C5orf22: variants seen among roughly 807,000 people sequenced by gnomAD.
C5orf22 encodes the protein UPF0489 protein C5orf22.
Under a neutral mutation model 48.7 loss-of-function variants are expected in C5orf22, and 36 were observed. The observed-to-expected ratio is 0.74, with a 90% CI of 0.57 to 0.98. The LOEUF (loss-of-function observed/expected upper bound fraction) is 0.98. C5orf22 is among the 50% of genes least tolerant of loss of function. The pLI is 0.00. For missense variants in C5orf22, 486 were observed against 521.9 expected, an observed-to-expected ratio of 0.93 and a Z score of 0.67; for synonymous variants, 141 against 180.8, an observed-to-expected ratio of 0.78 and a Z score of 1.76.
intron 6 of C5orf22, among the ~76,000 whole-genome samples, chr5:31,542,332 C>T (rs1471718561): frequency 6.7e-6 from 1 of 150,298 alleles, no homozygotes; most frequent in East Asian, 2.0e-4. Context: ...TAGTGGTGGG[C>T]GCCTGTAGTC....
At chr5:31,551,699 G>A (rs1162696792) in intron 8 of C5orf22, among the ~76,000 whole-genome samples, 5 of 152,140 alleles carry the variant, frequency 3.3e-5, no homozygotes, top group Non-Finnish European at 7.3e-5. Flanking sequence ...ACAAGCTAAG[G>A]AACACAGGCA....
At chr5:31,536,249 A>G (rs1263534283) in intron 3 of C5orf22, among the ~76,000 whole-genome samples, 3 of 152,176 alleles carry the variant, frequency 2.0e-5, no homozygotes, top group Non-Finnish European at 4.4e-5. Flanking sequence ...AATTTGCCGC[A>G]GTGGCTCACG....
intron 6 of C5orf22, among the ~76,000 whole-genome samples, chr5:31,542,249 GA>G (rs1027573856): frequency 2.1e-4 from 32 of 150,546 alleles, no homozygotes; most frequent in African/African-American, 7.3e-4. Context: ...AGGAGATCGA[GA>G]CCATCCTGGC....
Position 31,541,013 on chromosome 5 carries a change from T to C in C5orf22, c.870+2T>C. 1 of 1,604,548 alleles carries C rather than the reference T, an allele frequency of 6.2e-7. No individual in the cohort carries two copies. The highest frequency in any genetic ancestry group is 8.5e-7 in the Non-Finnish European group (1 of 1,172,296). ...AAACCTGGCACCAACCTAACAGAGG[T>C]ATCCTCCATTTGTTTCTTTGGGGTT... On this transcript the variant is annotated splice_donor_variant, in intron 5 of 8. Coordinates refer to ENST00000325366, the MANE Select transcript of C5orf22 (RefSeq NM_018356.3). LOFTEE classifies it high-confidence loss of function.
rs541079913 is a variant in C5orf22, at chr5:31,545,007, A to T, written c.993-639A>T. ...TTTTTTTTTTTAGCTTTCAGGAAAC[A>T]GCCTTTTTTCATCACAGTGTGCTAA... On this transcript the variant is annotated intron_variant, in intron 6 of 8. Transcript: ENST00000325366. 2.0e-5 allele frequency among the ~76,000 whole-genome samples: 3 copies of T among 149,772 alleles called. No homozygotes were observed. In the East Asian group the frequency reaches 5.8e-4, roughly 29 times the overall value.
intron 6 of C5orf22, among the ~76,000 whole-genome samples, chr5:31,544,973 AAT>A (rs1742758583): frequency 1.5e-5 from 1 of 65,668 alleles, no homozygotes. Context: ...ACGTGTCCTT[AAT>A]TTTTTTTTTT....
At chr5:31,544,889 C>G (rs1580452906) in intron 6 of C5orf22, among the ~76,000 whole-genome samples, 1 of 151,974 alleles carries the variant, frequency 6.6e-6, no homozygotes. Context: ...GAGCCATGAT[C>G]ACACCACTGC....
chr5:31,543,499 G>A (rs534182790), intron 6 of C5orf22, among the ~76,000 whole-genome samples: 21 of 152,318 alleles, frequency 1.4e-4, no homozygotes, highest in Middle Eastern at 6.8e-3. Flanking sequence ...GAGCCTGGGA[G>A]GTCAAGGCTG....
chr5:31,552,237 G>A (rs1743325233), intron 8 of C5orf22, among the ~76,000 whole-genome samples: 1 of 152,116 alleles, frequency 6.6e-6, no homozygotes, highest in Non-Finnish European at 1.5e-5. Context: ...CTACTGCCTA[G>A]GAAAGTAAAT....
At position 31,553,065 on chromosome 5, in the gene C5orf22, G is replaced by C. The variant is rs886780621; in HGVS notation, c.*163G>C. The C allele has an allele frequency of 3.2e-6, 2 of 625,284 alleles. No individual in the cohort carries two copies. 38.7% of individuals were successfully genotyped at this position (625,284 alleles called of 1,614,324 possible). A position where few individuals can be genotyped will look rare whatever the true frequency, so the allele number is the denominator to read the frequency against. ...TGAACAACCATTGTCAGTTGTGAATGATGGTAAATTTTTTGGCATCAAGTC... is the reference window on the plus strand; with the variant it reads ...TGAACAACCATTGTCAGTTGTGAATCATGGTAAATTTTTTGGCATCAAGTC... On this transcript the variant is annotated 3_prime_UTR_variant, in exon 9 of 9. Transcript: ENST00000325366.
rs76031031 is a variant in C5orf22 at position 31,534,671 on chromosome 5, A to G, written c.227+254A>G. ...TCTTTGCCTTTGTAGTGTGAAAGCA[A>G]TCACAAGCACTGTGTAAACAAATGA... is the stretch of plus-strand genomic sequence containing the variant. On this transcript the variant is annotated intron_variant, in intron 2 of 8. Transcript: ENST00000325366. 1,872 of 427,836 alleles carry G rather than the reference A, an allele frequency of 4.4e-3. 36 individuals are homozygous for G. Among genetic ancestry groups the G allele is most frequent in the African/African-American group, 0.031 (1,530 of 49,804 alleles). 26.5% of individuals were successfully genotyped at this position (427,836 alleles called of 1,614,324 possible).
At chr5:31,551,940 C>T (rs1417012508) in intron 8 of C5orf22, among the ~76,000 whole-genome samples, 1 of 152,148 alleles carries the variant, frequency 6.6e-6, no homozygotes, top group Non-Finnish European at 1.5e-5. Context: ...ATGAGTTTAT[C>T]AGTGGTCTTA....
At chr5:31,536,105 T>G (rs905453437) in intron 3 of C5orf22, among the ~76,000 whole-genome samples, 1 of 152,268 alleles carries the variant, frequency 6.6e-6, no homozygotes, top group East Asian at 1.9e-4. Context: ...AAATTAGATT[T>G]TGAATGTGAT....
chr5:31,539,456 T>C (rs1742317424), intron 4 of C5orf22, among the ~76,000 whole-genome samples: 1 of 152,202 alleles, frequency 6.6e-6, no homozygotes, highest in Non-Finnish European at 1.5e-5. Context: ...ATATTCTATA[T>C]ATAAATCCTG....
In C5orf22 at chr5:31,551,274, T is replaced by G; in HGVS notation, c.1060-19T>G. 1 of 1,611,192 alleles carries G rather than the reference T, an allele frequency of 6.2e-7. No individual in the cohort carries two copies. The highest frequency in any genetic ancestry group is 8.5e-7 in the Non-Finnish European group (1 of 1,179,254). On this transcript the variant is annotated intron_variant, in intron 7 of 8. Transcript: ENST00000325366. ...AAACAACTGTCATACAGTGTAATTTTTAATTGTCTTATTTTCAGGTTCACC... is the reference window on the plus strand; with the variant it reads ...AAACAACTGTCATACAGTGTAATTTGTAATTGTCTTATTTTCAGGTTCACC...
intron 6 of C5orf22, among the ~76,000 whole-genome samples, chr5:31,543,197 C>G (rs753664539): frequency 5.9e-5 from 9 of 152,178 alleles, no homozygotes; most frequent in Non-Finnish European, 4.4e-5. Context: ...TAATTATTGA[C>G]ACTAACAAAG....
rs1741594290 is a variant in C5orf22, at chr5:31,532,452, G to A, written c.60G>A (p.Trp20Ter). 1 of 1,613,930 alleles carries A rather than the reference G, an allele frequency of 6.2e-7. No individual in the cohort carries two copies. The highest frequency in any genetic ancestry group is 8.5e-7 in the Non-Finnish European group (1 of 1,179,914). ...GLRRYPKLPV[W>*]VVEDHQEVLP... ...GGCGTTACCCCAAGCTCCCAGTGTG[G>A]GTGGTGGAGGATCATCAGGAGGTGA... is the stretch of plus-strand genomic sequence containing the variant. The change falls in exon 1 of 9, where the codon TGG (tryptophan) becomes TGA (stop). Residue 20 changes from tryptophan (W) to a stop codon, truncating the protein, a stop_gained. Coordinates refer to ENST00000325366, the MANE Select transcript of C5orf22 (RefSeq NM_018356.3). LOFTEE classifies it high-confidence loss of function.
Position 31,553,047 on chromosome 5 carries a change from C to T in C5orf22, c.*145C>T, listed in dbSNP as rs1050759798. The T allele has an allele frequency of 1.3e-5, 10 of 756,818 alleles. No individual in the cohort carries two copies. In the African/African-American group the frequency reaches 1.6e-4, roughly 12 times the overall value. The allele number at this position is 756,818 out of a possible 1,614,324, so 46.9% of individuals were successfully genotyped here. Reference sequence around the variant, plus strand: ...TCAGATATTTTGAATCTCTGAACAACCATTGTCAGTTGTGAATGATGGTAA... The same window carrying T: ...TCAGATATTTTGAATCTCTGAACAATCATTGTCAGTTGTGAATGATGGTAA... On this transcript the variant is annotated 3_prime_UTR_variant, in exon 9 of 9. Transcript: ENST00000325366.
rs1424114690 is a variant in C5orf22 at position 31,554,428 on chromosome 5, T to A, written c.*1526T>A. The A allele has an allele frequency of 6.6e-6, 1 of 152,242 alleles. No individual in the cohort carries two copies. Among genetic ancestry groups the A allele is most frequent in the African/African-American group, 2.4e-5 (1 of 41,458 alleles). 9.4% of individuals were successfully genotyped at this position (152,242 alleles called of 1,614,324 possible). On this transcript the variant is annotated 3_prime_UTR_variant, in exon 9 of 9. Coordinates refer to ENST00000325366, the MANE Select transcript of C5orf22 (RefSeq NM_018356.3). The stretch of plus-strand genomic sequence containing the variant: ...CAGTGAATTTTTGTCACCGAGTTAA[T>A]TTCCCAAGTCTGATAGCATGAATGC...
Sources: allele counts gnomAD v4.1 joint callset (sites outside exome capture counted in the v4.1 genomes callset), GRCh38; gene constraint gnomAD v4.1.1; transcripts MANE v1.5; gene names NCBI Gene and HGNC (gene_info 2026-07-23, HGNC 2026-07-21).